IMPA2: variants seen among roughly 807,000 people sequenced by gnomAD.
IMPA2 encodes inositol monophosphatase 2, also known as IMP 2.
A neutral mutation model predicts 35.1 loss-of-function variants in IMPA2; 32 were observed. That is an observed-to-expected ratio of 0.91 (90% CI 0.69 to 1.23). IMPA2 has a LOEUF of 1.23. IMPA2 is among the 50% of genes most tolerant of loss of function. The pLI, the probability that IMPA2 is intolerant of heterozygous loss-of-function variation, is 0.00. For missense variants in IMPA2, 334 were observed against 387.6 expected (o/e 0.86, Z 1.16); for synonymous variants, 135 against 160.6 (o/e 0.84, Z 1.20).
intron 2 of IMPA2, among the ~76,000 whole-genome samples, chr18:12,006,247 C>T (rs980303974): frequency 6.6e-6 from 1 of 152,214 alleles, no homozygotes; most frequent in Non-Finnish European, 1.5e-5. Context: ...TCTCCACCCC[C>T]TGCCCCGGCT....
At chr18:11,997,893 C>T (rs200325848) in intron 1 of IMPA2, among the ~76,000 whole-genome samples, 30 of 152,198 alleles carry the variant, frequency 2.0e-4, no homozygotes, top group Non-Finnish European at 3.4e-4. Flanking sequence ...AAGAGCTGGG[C>T]GCGGTGGCTT....
Position 11,981,751 on chromosome 18 carries a change from C to T in IMPA2, c.82C>T (p.Leu28=), listed in dbSNP as rs1006189641. 8.1e-7 allele frequency: 1 copy of T among 1,228,832 alleles called. No individual in the cohort carries two copies. Among genetic ancestry groups the T allele is most frequent in the Non-Finnish European group, 1.0e-6 (1 of 985,944 alleles). The allele number at this position is 1,228,832 out of a possible 1,614,324, so 76.1% of individuals were successfully genotyped here. A position where few individuals can be genotyped will look rare whatever the true frequency, so the allele number is the denominator to read the frequency against. Residue 28 remains leucine (L), a synonymous_variant, in exon 1 of 8, where the codon CTG becomes TTG. Transcript: ENST00000269159. ...ECFQAAVQLA[L]RAGQIIRKAL... is the part of the protein sequence containing the mutation. Reference sequence around the variant, plus strand: ...CTTCCAGGCGGCCGTGCAGCTGGCGCTGCGGGCAGGACAGGTGAGCGCCAC... The same window carrying T: ...CTTCCAGGCGGCCGTGCAGCTGGCGTTGCGGGCAGGACAGGTGAGCGCCAC...
In IMPA2 at chr18:12,029,108, GTTTTTTTTT is replaced by G. The variant is rs1158665365; in HGVS notation, c.751+132_751+140del. 183 of 267,290 alleles carry G rather than the reference GTTTTTTTTT, an allele frequency of 6.8e-4. No individual in the cohort carries two copies. In the East Asian group the frequency reaches 0.01, roughly 15 times the overall value. The allele number at this position is 267,290 out of a possible 1,614,324, so 16.6% of individuals were successfully genotyped here. On this transcript the variant is annotated intron_variant, in intron 7 of 7. Transcript: ENST00000269159. Reference sequence around the variant, plus strand: ...ATTTCCCACCTTCCCCAGAGTTTCTGTTTTTTTTTTTTTTTTTTTTTTTTTGAGACGGGG... The same window carrying G: ...ATTTCCCACCTTCCCCAGAGTTTCTGTTTTTTTTTTTTTTTTGAGACGGGG...
At chr18:11,989,705 T>TGA (rs1906759854) in intron 1 of IMPA2, among the ~76,000 whole-genome samples, 1 of 152,130 alleles carries the variant, frequency 6.6e-6, no homozygotes, top group Non-Finnish European at 1.5e-5. Context: ...AGGGTGCCAG[T>TGA]GAGGTCCCAC....
Position 12,028,912 on chromosome 18 carries a change from C to A in IMPA2, c.670C>A (p.Gln224Lys). ...LASGAADAYY[Q>K]FGLHCWDLAA... ...CTCAGGGGCCGCGGATGCCTATTAC[C>A]AGTTTGGCCTGCACTGCTGGGATCT... Residue 224 changes from glutamine to lysine, a missense_variant, in exon 7 of 8, where the codon CAG becomes AAG. Gln to Lys is a moderately conservative substitution (Grantham distance 53). Coordinates refer to ENST00000269159, the MANE Select transcript of IMPA2 (RefSeq NM_014214.3). 1 of 1,614,124 alleles carries A rather than the reference C, an allele frequency of 6.2e-7. No individual in the cohort carries two copies. The highest frequency in any genetic ancestry group is 1.3e-5 in the African/African-American group (1 of 75,036).
intron 4 of IMPA2, 70 bp downstream of exon 4, chr18:12,012,285 C>T: frequency 3.0e-6 from 4 of 1,327,222 alleles, no homozygotes; most frequent in Non-Finnish European, 4.3e-6. Context: ...TTTCTGGCTT[C>T]AGCCTCTGTG....
In IMPA2 at chr18:11,999,194, GTACTCCTC is replaced by G; in HGVS notation, c.230+9_230+16del. On this transcript the variant is annotated splice_region_variant and intron_variant, in intron 2 of 7. Transcript: ENST00000269159. ...AGAGGTTTCCTTCACACAGGTAGGTGTACTCCTCTGGGAAACACCCCCAGTAACCCTGG... is the reference window on the plus strand; with the variant it reads ...AGAGGTTTCCTTCACACAGGTAGGTGTGGGAAACACCCCCAGTAACCCTGG... 5.6e-6 allele frequency: 9 copies of G among 1,612,300 alleles called. No homozygotes were observed. The highest frequency in any genetic ancestry group is 6.8e-6 in the Non-Finnish European group (8 of 1,179,042).
chr18:12,019,633 A>G (rs990703887), intron 5 of IMPA2, among the ~76,000 whole-genome samples: 11 of 152,074 alleles, frequency 7.2e-5, no homozygotes, highest in African/African-American at 2.7e-4. Context: ...ACTCAGTTAC[A>G]TTGAAATCCA....
At position 12,028,941 on chromosome 18, in the gene IMPA2, G is replaced by A. The variant is rs750911716; in HGVS notation, c.699G>A (p.Ala233=). Residue 233 remains alanine, a synonymous_variant, in exon 7 of 8, where the codon GCG becomes GCA. Transcript: ENST00000269159. ...YQFGLHCWDL[A]AATVIIREAG... is the part of the protein sequence containing the mutation. ...TTGGCCTGCACTGCTGGGATCTGGC[G>A]GCTGCCACAGTCATCATCAGAGAAG... 1.9e-5 allele frequency: 30 copies of A among 1,613,870 alleles called. No homozygotes were observed. Among genetic ancestry groups the A allele is most frequent in the Middle Eastern group, 3.3e-4 (2 of 6,084 alleles).
At chr18:12,027,275 G>A (rs1598707133) in intron 5 of IMPA2, among the ~76,000 whole-genome samples, 3 of 152,284 alleles carry the variant, frequency 2.0e-5, no homozygotes, top group Non-Finnish European at 2.9e-5. Context: ...GCAGAATCCC[G>A]GTCACGTCCT....
chr18:12,018,598 AT>A, intron 5 of IMPA2, among the ~76,000 whole-genome samples: 1 of 152,346 alleles, frequency 6.6e-6, no homozygotes, highest in East Asian at 1.9e-4. Context: ...CCTTTAAAAC[AT>A]TTATTAATTC....
At chr18:12,016,610 G>A (rs1009949960) in intron 5 of IMPA2, among the ~76,000 whole-genome samples, 13 of 151,974 alleles carry the variant, frequency 8.6e-5, no homozygotes, top group African/African-American at 3.1e-4. Context: ...GTAGAGACGG[G>A]GTTTCACCAT....
rs1283836969 is a variant in IMPA2, at chr18:12,003,692, C to CATG, written c.230+4506_230+4508dup. Among the ~76,000 whole-genome samples the CATG allele has an allele frequency of 1.7e-3, 243 of 146,070 alleles. 1 individual carries two copies. The highest frequency in any genetic ancestry group is 5.8e-3 in the African/African-American group (228 of 39,614). ...AAAGGAAAAAAAAAAAAAAAGGCAG[C>CATG]ATGGTAAGGCCGGGTTTTTATAGAT... On this transcript the variant is annotated intron_variant, in intron 2 of 7. Coordinates refer to ENST00000269159, the MANE Select transcript of IMPA2 (RefSeq NM_014214.3).
At chr18:12,005,766 C>A (rs41417346) in intron 2 of IMPA2, among the ~76,000 whole-genome samples, 1 of 152,046 alleles carries the variant, frequency 6.6e-6, no homozygotes, top group African/African-American at 2.4e-5. Context: ...GTGAGTTGTC[C>A]TGGGTGTGGA....
At chr18:12,019,329 A>T (rs1239183911) in intron 5 of IMPA2, among the ~76,000 whole-genome samples, 1 of 151,720 alleles carries the variant, frequency 6.6e-6, no homozygotes, top group Admixed American at 6.6e-5. Flanking sequence ...ATCCTGGCTC[A>T]CTGCAACCCC....
chr18:11,990,949 C>T (rs1906796019), intron 1 of IMPA2, among the ~76,000 whole-genome samples: 8 of 152,206 alleles, frequency 5.3e-5, no homozygotes, highest in Admixed American at 5.2e-4. Context: ...AATAAATGTA[C>T]ATGTGAACTG....
At position 12,009,999 on chromosome 18, in the gene IMPA2, A is replaced by G; in HGVS notation, c.335+12A>G. The G allele has an allele frequency of 6.3e-7, 1 of 1,597,554 alleles. No homozygotes were observed. ...AATTTTGTGCACAGGTGAGCTGAGCAGGGATCGCCTCCATTGCAGGGCTTA... is the reference window on the plus strand; with the variant it reads ...AATTTTGTGCACAGGTGAGCTGAGCGGGGATCGCCTCCATTGCAGGGCTTA... On this transcript the variant is annotated intron_variant, in intron 3 of 7. Transcript: ENST00000269159.
rs569940274 is a variant in IMPA2 at position 12,005,391 on chromosome 18, A to G, written c.231-4492A>G. ...TCCCAGCTACTCAGGAGGCTGAGGC[A>G]GGAGGATTGCTTGAGCCCAGTGGTT... On this transcript the variant is annotated intron_variant, in intron 2 of 7. Transcript: ENST00000269159. Among the ~76,000 whole-genome samples, 298 of 152,282 alleles carry G rather than the reference A, an allele frequency of 2.0e-3. 2 individuals carry two copies. Among genetic ancestry groups the G allele is most frequent in the African/African-American group, 6.7e-3 (277 of 41,552 alleles).
chr18:12,018,805 A>C (rs546138419), intron 5 of IMPA2, among the ~76,000 whole-genome samples: 1 of 152,196 alleles, frequency 6.6e-6, no homozygotes, highest in Non-Finnish European at 1.5e-5. Context: ...CTGTTATAAT[A>C]AGTTGTTTTG....
Sources: allele counts gnomAD v4.1 joint callset (sites outside exome capture counted in the v4.1 genomes callset), GRCh38; gene constraint gnomAD v4.1.1; transcripts MANE v1.5; gene names NCBI Gene and HGNC (gene_info 2026-07-23, HGNC 2026-07-21).